SUPT3H: variants seen among roughly 807,000 people sequenced by gnomAD.
SUPT3H encodes SPT3 homolog, SAGA and STAGA complex component.
Under a neutral mutation model 44.3 loss-of-function variants are expected in SUPT3H, and 44 were observed. The ratio of observed to expected loss-of-function variants is 0.99; its 90% confidence interval spans 0.78 to 1.28. The LOEUF is 1.28. Among genes scored for constraint, SUPT3H ranks in the 50% most tolerant of loss-of-function variants. SUPT3H has a pLI of 0.00. For synonymous variants in SUPT3H, 124 were observed against 125.6 expected, an observed-to-expected ratio of 0.99 and a Z score of 0.09; for missense variants, 380 against 387.1, an observed-to-expected ratio of 0.98 and a Z score of 0.15.
At chr6:45,217,551 T>C (rs1353223267) in intron 2 of SUPT3H, among the ~76,000 whole-genome samples, 2 of 152,102 alleles carry the variant, frequency 1.3e-5, no homozygotes, top group East Asian at 3.9e-4. Flanking sequence ...ATGTATACCC[T>C]AAGCAACTAC....
intron 6 of SUPT3H, among the ~76,000 whole-genome samples, chr6:44,985,006 G>A (rs1459275034): frequency 2.6e-5 from 4 of 151,594 alleles, no homozygotes; most frequent in Admixed American, 6.6e-5. Flanking sequence ...ACAGTTTTGT[G>A]TCATTGAAAA....
intron 7 of SUPT3H, among the ~76,000 whole-genome samples, chr6:44,954,866 C>T (rs1774879100): frequency 6.6e-6 from 1 of 152,184 alleles, no homozygotes; most frequent in Non-Finnish European, 1.5e-5. Flanking sequence ...TGCTATATGA[C>T]ATAGTATATT....
chr6:45,005,650 G>A (rs1057447788), intron 5 of SUPT3H, among the ~76,000 whole-genome samples: 115 of 147,232 alleles, frequency 7.8e-4, no homozygotes, highest in African/African-American at 2.7e-3. Flanking sequence ...GTGGTGAGCC[G>A]AGATTGCTCC....
In SUPT3H at chr6:45,220,233, A is replaced by T. The variant is rs910588140; in HGVS notation, c.102-114227T>A. ...TACCTACACAAAAATTAGCATATCAAATTCAACCATATATAAAAATAATTA... is the reference window on the plus strand; with the variant it reads ...TACCTACACAAAAATTAGCATATCATATTCAACCATATATAAAAATAATTA... On this transcript the variant is annotated intron_variant, in intron 2 of 10. Transcript: ENST00000371459. Among the ~76,000 whole-genome samples, 9 of 152,158 alleles carry T rather than the reference A, an allele frequency of 5.9e-5. No homozygotes were observed. In the East Asian group the frequency reaches 1.7e-3, roughly 29 times the overall value.
At chr6:45,223,158 T>C (rs1766347625) in intron 2 of SUPT3H, among the ~76,000 whole-genome samples, 1 of 152,000 alleles carries the variant, frequency 6.6e-6, no homozygotes, top group Non-Finnish European at 1.5e-5. Context: ...TGAAACCGTA[T>C]GTGAGAAAAA....
At chr6:44,984,516 A>G (rs1464707536) in intron 6 of SUPT3H, among the ~76,000 whole-genome samples, 7 of 152,152 alleles carry the variant, frequency 4.6e-5, no homozygotes, top group East Asian at 1.9e-4. Context: ...GTAGTTAACT[A>G]TTTTTCCAAA....
chr6:45,368,364 A>T (rs912891024), intron 1 of SUPT3H, among the ~76,000 whole-genome samples: 1 of 152,176 alleles, frequency 6.6e-6, no homozygotes, highest in Non-Finnish European at 1.5e-5. Flanking sequence ...GAGAAGAAAA[A>T]TTGGCATTTA....
At chr6:45,112,742 C>T (rs534548362) in intron 2 of SUPT3H, among the ~76,000 whole-genome samples, 3 of 152,246 alleles carry the variant, frequency 2.0e-5, no homozygotes, top group Non-Finnish European at 4.4e-5. Context: ...GCCTGCTGGG[C>T]CAGTCACCAA....
At position 44,880,944 on chromosome 6, in the gene SUPT3H, C is replaced by A. The variant is rs1339357482; in HGVS notation, c.913-51087G>T. 2.0e-5 allele frequency among the ~76,000 whole-genome samples: 3 copies of A among 152,148 alleles called. No individual in the cohort carries two copies. In the East Asian group the frequency reaches 5.8e-4, roughly 29 times the overall value. The stretch of plus-strand genomic sequence containing the variant: ...AGGAAGCACTAAATATGGAAAGGAA[C>A]AACCAGTACCAGCCATTGCAAAAAC... On this transcript the variant is annotated intron_variant, in intron 10 of 10. Coordinates refer to ENST00000371459, the MANE Select transcript of SUPT3H (RefSeq NM_003599.4).
At chr6:45,359,449 C>T (rs1051686664) in intron 2 of SUPT3H, among the ~76,000 whole-genome samples, 4 of 151,960 alleles carry the variant, frequency 2.6e-5, no homozygotes, top group African/African-American at 7.3e-5. Flanking sequence ...CAAACAGATG[C>T]ATTTCACAAA....
At chr6:45,359,159 T>TA (rs960413638) in intron 2 of SUPT3H, among the ~76,000 whole-genome samples, 4 of 152,148 alleles carry the variant, frequency 2.6e-5, no homozygotes, top group Non-Finnish European at 5.9e-5. Context: ...AATATTTAAA[T>TA]AAAAAAATCA....
intron 2 of SUPT3H, among the ~76,000 whole-genome samples, chr6:45,270,667 T>C (rs546028130): frequency 6.6e-6 from 1 of 152,198 alleles, no homozygotes; most frequent in African/African-American, 2.4e-5. Context: ...AGTGTGAAAA[T>C]GGACTAATAC....
chr6:45,043,165 A>G (rs1243480331), intron 3 of SUPT3H, among the ~76,000 whole-genome samples: 1 of 151,232 alleles, frequency 6.6e-6, no homozygotes, highest in East Asian at 1.9e-4. Context: ...ACACACACAC[A>G]CACACGCACA....
intron 6 of SUPT3H, among the ~76,000 whole-genome samples, chr6:44,982,337 C>A (rs1036422241): frequency 3.9e-5 from 6 of 152,112 alleles, no homozygotes; most frequent in Admixed American, 2.0e-4. Flanking sequence ...CATTTTCCTG[C>A]CTCAGCCTCC....
intron 10 of SUPT3H, among the ~76,000 whole-genome samples, chr6:44,865,365 G>C (rs1313267667): frequency 2.6e-5 from 4 of 152,054 alleles, no homozygotes; most frequent in African/African-American, 9.7e-5. Context: ...CACATTTTCA[G>C]GTATCTTTTC....
chr6:45,004,105 T>C (rs79390687), intron 5 of SUPT3H, among the ~76,000 whole-genome samples: 3,727 of 152,156 alleles, frequency 0.024, 158 homozygotes, highest in African/African-American at 0.083. Context: ...TACTGTTATA[T>C]AGTATTTATA....
intron 5 of SUPT3H, among the ~76,000 whole-genome samples, chr6:45,007,285 C>T (rs1023091): frequency 0.12 from 18,224 of 152,000 alleles, 1,425 homozygotes; most frequent in East Asian, 0.27. Flanking sequence ...TTTATCTACT[C>T]AACTTTTTTT....
intron 2 of SUPT3H, among the ~76,000 whole-genome samples, chr6:45,343,910 A>C (rs1790328499): frequency 6.6e-6 from 1 of 152,186 alleles, no homozygotes; most frequent in Non-Finnish European, 1.5e-5. Context: ...TCCACCTGAC[A>C]GGTCTACAGG....
intron 2 of SUPT3H, among the ~76,000 whole-genome samples, chr6:45,189,247 A>G (rs1051556984): frequency 3.3e-5 from 5 of 152,370 alleles, no homozygotes; most frequent in African/African-American, 2.4e-5. Context: ...AAAATGTTTC[A>G]GATAATTAGT....
Sources: allele counts gnomAD v4.1 joint callset (sites outside exome capture counted in the v4.1 genomes callset), GRCh38; gene constraint gnomAD v4.1.1; transcripts MANE v1.5; gene names NCBI Gene and HGNC (gene_info 2026-07-23, HGNC 2026-07-21).